WWOX: variants seen among roughly 807,000 people sequenced by gnomAD.
WWOX encodes WW domain containing oxidoreductase.
WWOX carries 69 observed loss-of-function variants against 46.2 expected under a neutral mutation model. That is an observed-to-expected ratio of 1.49 (90% CI 1.23 to 1.82). The LOEUF (loss-of-function observed/expected upper bound fraction) is 1.82. WWOX is among the 40% of genes most tolerant of loss of function. The pLI is 0.00. For missense variants in WWOX, 919 were observed against 542.6 expected (o/e 1.69, Z -6.89); for synonymous variants, 359 against 202.6 (o/e 1.77, Z -6.56).
At chr16:78,558,497 G>A (rs766690526) in intron 8 of WWOX, among the ~76,000 whole-genome samples, 22 of 152,208 alleles carry the variant, frequency 1.4e-4, no homozygotes, top group Admixed American at 4.6e-4. Flanking sequence ...CTTGAGCAGC[G>A]GCTGCCCCTC....
At chr16:78,913,513 A>T (rs573391571) in intron 8 of WWOX, among the ~76,000 whole-genome samples, 1 of 151,974 alleles carries the variant, frequency 6.6e-6, no homozygotes, top group Non-Finnish European at 1.5e-5. Flanking sequence ...AGCTGGATAG[A>T]GCCAGGGTCC....
chr16:78,166,493 G>A (rs535633566), intron 5 of WWOX, among the ~76,000 whole-genome samples: 1 of 152,136 alleles, frequency 6.6e-6, no homozygotes, highest in Non-Finnish European at 1.5e-5. Context: ...TTGATTCAAA[G>A]GGCATATGCA....
In WWOX at chr16:78,864,457, C is replaced by G. The variant is rs150140965; in HGVS notation, c.1057-347151C>G. Among the ~76,000 whole-genome samples the G allele has an allele frequency of 5.3e-5, 8 of 151,980 alleles. No individual in the cohort carries two copies. In the East Asian group the frequency reaches 1.6e-3, roughly 30 times the overall value. ...TAAGTTTTGTATTTTTTTGTAGAGG[C>G]AAGGTTTCTCCATGTTGCCAAGGCT... On this transcript the variant is annotated intron_variant, in intron 8 of 8. Coordinates refer to ENST00000566780, the MANE Select transcript of WWOX (RefSeq NM_016373.4).
At chr16:78,217,293 C>T (rs1167367952) in intron 5 of WWOX, among the ~76,000 whole-genome samples, 1 of 152,220 alleles carries the variant, frequency 6.6e-6, no homozygotes, top group African/African-American at 2.4e-5. Context: ...GTTCCTAGCA[C>T]CACTGGCCAA....
intron 6 of WWOX, among the ~76,000 whole-genome samples, chr16:78,396,828 G>C (rs983263792): frequency 2.0e-5 from 3 of 152,126 alleles, no homozygotes; most frequent in Non-Finnish European, 2.9e-5. Flanking sequence ...AAAGTAGCCT[G>C]GGACAACACA....
chr16:79,155,055 A>G (rs1290596377), intron 8 of WWOX, among the ~76,000 whole-genome samples: 1 of 152,224 alleles, frequency 6.6e-6, no homozygotes, highest in Non-Finnish European at 1.5e-5. Context: ...ATTCTTCTAG[A>G]TTCTACAGCA....
At chr16:78,881,996 C>G (rs2044352217) in intron 8 of WWOX, among the ~76,000 whole-genome samples, 1 of 152,030 alleles carries the variant, frequency 6.6e-6, no homozygotes, top group South Asian at 2.1e-4. Flanking sequence ...TGTGGTGGCG[C>G]ATGCCTGTAA....
chr16:78,574,855 T>C (rs1238834062), intron 8 of WWOX, among the ~76,000 whole-genome samples: 1 of 149,814 alleles, frequency 6.7e-6, no homozygotes, highest in Non-Finnish European at 1.5e-5. Flanking sequence ...TCGTTAATAA[T>C]AAACCAGTTC....
chr16:78,099,962 C>A, intron 1 of WWOX, 77 bp downstream of exon 1: 2 of 1,528,428 alleles, frequency 1.3e-6, no homozygotes, highest in South Asian at 1.2e-5. Context: ...GCGGGGAGGA[C>A]GCGCACTCCA....
At chr16:78,231,619 C>T (rs867375735) in intron 5 of WWOX, among the ~76,000 whole-genome samples, 4 of 152,210 alleles carry the variant, frequency 2.6e-5, no homozygotes, top group African/African-American at 4.8e-5. Flanking sequence ...AACGTGGCAT[C>T]GGAGTAGCTC....
chr16:78,357,667 G>A (rs1319636385), intron 5 of WWOX, among the ~76,000 whole-genome samples: 1 of 152,162 alleles, frequency 6.6e-6, no homozygotes, highest in East Asian at 1.9e-4. Flanking sequence ...ATCATTGTTA[G>A]GATGGTTATT....
intron 5 of WWOX, among the ~76,000 whole-genome samples, chr16:78,378,617 G>C (rs976179684): frequency 6.6e-6 from 1 of 152,134 alleles, no homozygotes; most frequent in East Asian, 1.9e-4. Context: ...TGTGCTCAAC[G>C]CCAGTGTCTC....
intron 8 of WWOX, among the ~76,000 whole-genome samples, chr16:78,669,915 A>T (rs2047420419): frequency 6.6e-6 from 1 of 152,166 alleles, no homozygotes; most frequent in Non-Finnish European, 1.5e-5. Flanking sequence ...CTGCTTTTTC[A>T]TAAGCACAAT....
chr16:78,733,653 C>G (rs969776563), intron 8 of WWOX, among the ~76,000 whole-genome samples: 3 of 151,170 alleles, frequency 2.0e-5, no homozygotes, highest in Non-Finnish European at 4.4e-5. Context: ...TACTCGGTAG[C>G]CTGAGGCAGG....
chr16:79,029,712 C>T (rs1337814302), intron 8 of WWOX, among the ~76,000 whole-genome samples: 1 of 152,138 alleles, frequency 6.6e-6, no homozygotes. Flanking sequence ...TGCTTTTCAA[C>T]AAGATTTTGC....
intron 8 of WWOX, among the ~76,000 whole-genome samples, chr16:78,577,651 C>G (rs894633852): frequency 1.3e-5 from 2 of 152,218 alleles, no homozygotes; most frequent in Non-Finnish European, 2.9e-5. Context: ...TACATACATT[C>G]ATCATTTTCA....
At chr16:78,789,925 T>A (rs1431268938) in intron 8 of WWOX, among the ~76,000 whole-genome samples, 1 of 152,208 alleles carries the variant, frequency 6.6e-6, no homozygotes, top group African/African-American at 2.4e-5. Flanking sequence ...ATTCTGCCAC[T>A]TATTGTGTCA....
At chr16:78,944,992 A>C (rs1251637211) in intron 8 of WWOX, among the ~76,000 whole-genome samples, 2 of 152,158 alleles carry the variant, frequency 1.3e-5, no homozygotes, top group Non-Finnish European at 2.9e-5. Flanking sequence ...CAGCCTGAGC[A>C]ACATGGTGAA....
At chr16:79,024,025 C>A (rs1048055127) in intron 8 of WWOX, among the ~76,000 whole-genome samples, 19 of 152,088 alleles carry the variant, frequency 1.2e-4, no homozygotes, top group African/African-American at 4.3e-4. Context: ...ACATGTGAAT[C>A]TGTGTATACA....
Sources: gnomAD v4.1 joint callset for allele counts (sites outside exome capture counted in the v4.1 genomes callset) on GRCh38, gnomAD v4.1.1 for gene constraint, MANE v1.5 for transcripts, NCBI Gene and HGNC (gene_info 2026-07-23, HGNC 2026-07-21) for gene names.